Variants in HS6ST3 observed in about 807,000 individuals in gnomAD.
HS6ST3 encodes the protein heparan sulfate 6-O-sulfotransferase 3.
A neutral mutation model predicts 36.7 loss-of-function variants in HS6ST3; 12 were observed. The observed-to-expected ratio is 0.33, with a 90% confidence interval of 0.21 to 0.53. HS6ST3 has a LOEUF of 0.53. Ranked by LOEUF, HS6ST3 falls within the 20% of genes least tolerant of loss-of-function variation. HS6ST3 has a pLI of 0.95. For synonymous variants in HS6ST3, 240 were observed against 257.5 expected (o/e 0.93, Z 0.65); for missense variants, 584 against 640.9 (o/e 0.91, Z 0.96).
intron 1 of HS6ST3, among the ~76,000 whole-genome samples, chr13:96,330,458 A>C (rs2055059732): frequency 6.8e-6 from 1 of 147,876 alleles, no homozygotes. Flanking sequence ...GTTTGGCTGG[A>C]TATGAAATTC....
At chr13:96,197,039 A>C (rs2054317745) in intron 1 of HS6ST3, among the ~76,000 whole-genome samples, 2 of 152,232 alleles carry the variant, frequency 1.3e-5, no homozygotes, top group Admixed American at 1.3e-4. Context: ...TGATTCACAG[A>C]GGACTGGCTC....
intron 1 of HS6ST3, among the ~76,000 whole-genome samples, chr13:96,603,892 G>C (rs1255486328): frequency 6.6e-6 from 1 of 152,082 alleles, no homozygotes; most frequent in Admixed American, 6.5e-5. Context: ...ACTTCAGATC[G>C]GATCATGGTG....
intron 1 of HS6ST3, among the ~76,000 whole-genome samples, chr13:96,164,352 G>C (rs2139330648): frequency 6.6e-6 from 1 of 152,198 alleles, no homozygotes; most frequent in Middle Eastern, 3.4e-3. Flanking sequence ...CCAGGAGTTT[G>C]AGACCAGCCT....
Position 96,292,965 on chromosome 13 carries a change from A to ATATTGTGAATGATGATTAG in HS6ST3, c.707+201397_707+201398insATTGTGAATGATGATTAGT, listed in dbSNP as rs1188070313. On this transcript the variant is annotated intron_variant, in intron 1 of 1. Transcript: ENST00000376705. Reference sequence around the variant, plus strand: ...AAGTCATATATTTAGTTCACAACTAATGGATGATGATTAGTGATGATGAAT... The same window carrying ATATTGTGAATGATGATTAG: ...AAGTCATATATTTAGTTCACAACTAATATTGTGAATGATGATTAGTGGATGATGATTAGTGATGATGAAT... Among the ~76,000 whole-genome samples, 14 of 152,226 alleles carry ATATTGTGAATGATGATTAG rather than the reference A, an allele frequency of 9.2e-5. No individual in the cohort carries two copies. The East Asian group carries it at 1.9e-3, about 21-fold the overall frequency.
chr13:96,835,604 G>GACACAC lies in HS6ST3; in HGVS notation c.*2432_*2437dup, dbSNP rs113563720. On this transcript the variant is annotated 3_prime_UTR_variant, in exon 2 of 2. Transcript: ENST00000376705. ...AAATTATCCTTCTGCCTGCCCCTGT[G>GACACAC]ACACACACACACACACACACACACA... 0.052 allele frequency: 7,673 copies of GACACAC among 148,544 alleles called. 501 individuals are homozygous for GACACAC. The highest frequency in any genetic ancestry group is 0.16 in the African/African-American group (6,241 of 39,978). The allele number at this position is 148,544 out of a possible 1,614,324, so 9.2% of individuals were successfully genotyped here.
Position 96,833,042 on chromosome 13 carries a change from C to A in HS6ST3, c.1260C>A (p.His420Gln). 1 of 1,613,694 alleles carries A rather than the reference C, an allele frequency of 6.2e-7. No homozygotes were observed. Among genetic ancestry groups the A allele is most frequent in the Non-Finnish European group, 8.5e-7 (1 of 1,180,024 alleles). The change falls in exon 2 of 2, where the codon CAC (histidine) becomes CAA (glutamine). Residue 420 changes from histidine to glutamine, a missense_variant. By Grantham distance (24) the His-to-Gln change is conservative (BLOSUM62 0). This residue lies in a region of HS6ST3 where 360 missense variants were observed against 411.3 expected (regional missense o/e 0.88). Transcript: ENST00000376705. The part of the protein sequence containing the change: ...YAKDLFQQRY[H>Q]HTKQLEHQRD... ...AAGATCTCTTCCAGCAGCGCTACCA[C>A]CACACCAAGCAGCTAGAGCACCAGA...
At chr13:96,669,177 T>C (rs2056675088) in intron 1 of HS6ST3, among the ~76,000 whole-genome samples, 1 of 152,184 alleles carries the variant, frequency 6.6e-6, no homozygotes, top group African/African-American at 2.4e-5. Context: ...TTTGTGAGAA[T>C]CTTCTTAGGT....
intron 1 of HS6ST3, among the ~76,000 whole-genome samples, chr13:96,719,751 A>G (rs564136804): frequency 6.6e-6 from 1 of 152,298 alleles, no homozygotes; most frequent in East Asian, 1.9e-4. Flanking sequence ...TAGCACCTCT[A>G]CCGTTACCTG....
Position 96,374,857 on chromosome 13 carries a change from T to C in HS6ST3, c.707+283288T>C, listed in dbSNP as rs112985290. ...CCCTCCAACTCCAAAATTCTATTAA[T>C]ATTATTATTTTCTTCTAACTCACTA... On this transcript the variant is annotated intron_variant, in intron 1 of 1. Transcript: ENST00000376705. Among the ~76,000 whole-genome samples, 494 of 152,180 alleles carry C rather than the reference T, an allele frequency of 3.2e-3. 5 individuals are homozygous for C. The highest frequency in any genetic ancestry group is 0.011 in the African/African-American group (455 of 41,530).
intron 1 of HS6ST3, among the ~76,000 whole-genome samples, chr13:96,357,205 A>G (rs2055214402): frequency 6.6e-6 from 1 of 152,180 alleles, no homozygotes; most frequent in Admixed American, 6.5e-5. Flanking sequence ...ATTGACGATA[A>G]AACTGTTTCA....
At chr13:96,707,557 A>T (rs140734291) in intron 1 of HS6ST3, among the ~76,000 whole-genome samples, 128 of 152,310 alleles carry the variant, frequency 8.4e-4, no homozygotes, top group Non-Finnish European at 1.6e-3. Flanking sequence ...TACCCATTTC[A>T]TTGTGATACA....
intron 1 of HS6ST3, among the ~76,000 whole-genome samples, chr13:96,641,079 A>G (rs2056568546): frequency 6.6e-6 from 1 of 151,622 alleles, no homozygotes; most frequent in South Asian, 2.1e-4. Flanking sequence ...TTTTTTTCCT[A>G]GTTATGTGTG....
At chr13:96,308,574 T>C (rs1566319161) in intron 1 of HS6ST3, among the ~76,000 whole-genome samples, 1 of 152,094 alleles carries the variant, frequency 6.6e-6, no homozygotes, top group Admixed American at 6.6e-5. Flanking sequence ...CTTATTTAAA[T>C]CCATCTTATT....
chr13:96,766,710 T>G (rs528673394), intron 1 of HS6ST3, among the ~76,000 whole-genome samples: 1 of 152,274 alleles, frequency 6.6e-6, no homozygotes, highest in African/African-American at 2.4e-5. Flanking sequence ...CTTTTTATTT[T>G]CTGATGAAAA....
chr13:96,182,050 G>A (rs972613921), intron 1 of HS6ST3, among the ~76,000 whole-genome samples: 1 of 152,118 alleles, frequency 6.6e-6, no homozygotes, highest in Non-Finnish European at 1.5e-5. Context: ...TGACAGCCTC[G>A]AAAAAGTTCA....
Position 96,444,981 on chromosome 13 carries a change from A to G in HS6ST3, c.707+353412A>G, listed in dbSNP as rs1257581920. ...TACTATGCTCTTTCTAAATAAAAGC[A>G]TAATGTAAGTGGAAGGAGAAATTGT... On this transcript the variant is annotated intron_variant, in intron 1 of 1. Coordinates refer to ENST00000376705, the MANE Select transcript of HS6ST3 (RefSeq NM_153456.4). Among the ~76,000 whole-genome samples, 6 of 152,312 alleles carry G rather than the reference A, an allele frequency of 3.9e-5. No individual in the cohort carries two copies. The East Asian group carries it at 5.8e-4, about 15-fold the overall frequency.
chr13:96,696,067 G>A (rs1404276961), intron 1 of HS6ST3, among the ~76,000 whole-genome samples: 4 of 152,108 alleles, frequency 2.6e-5, no homozygotes, highest in Non-Finnish European at 5.9e-5. Flanking sequence ...TATCAATGAG[G>A]GTCCTACCAG....
chr13:96,736,645 T>G (rs911045247), intron 1 of HS6ST3, among the ~76,000 whole-genome samples: 5 of 152,154 alleles, frequency 3.3e-5, no homozygotes, highest in African/African-American at 1.2e-4. Flanking sequence ...TATAGATATA[T>G]CAGACTCTTT....
At chr13:96,567,567 C>A (rs187501155) in intron 1 of HS6ST3, among the ~76,000 whole-genome samples, 76 of 152,202 alleles carry the variant, frequency 5.0e-4, no homozygotes, top group South Asian at 1.2e-3. Flanking sequence ...AAAGTTTTTA[C>A]ACACACACCC....
Sources: gnomAD v4.1 joint callset for allele counts (sites outside exome capture counted in the v4.1 genomes callset) on GRCh38, gnomAD v4.1.1 for gene constraint, gnomAD v4.1.1 regional missense constraint, MANE v1.5 for transcripts, NCBI Gene and HGNC (gene_info 2026-07-23, HGNC 2026-07-21) for gene names.